The following ARSG variants were observed in gnomAD, a reference collection of about 807,000 sequenced individuals.
The protein encoded by ARSG is arylsulfatase G.
A neutral mutation model predicts 50.5 loss-of-function variants in ARSG; 37 were observed. That is an observed-to-expected ratio of 0.73 (90% CI 0.56 to 0.96). The LOEUF (loss-of-function observed/expected upper bound fraction) is 0.96, where lower values mean the gene tolerates loss of function less well. ARSG is among the 50% of genes least tolerant of loss of function. ARSG has a pLI of 0.00. For missense variants in ARSG, 629 were observed against 675.3 expected (o/e 0.93, Z 0.76); for synonymous variants, 225 against 254.6 (o/e 0.88, Z 1.11).
chr17:68,317,373 A>G (rs2077106491), intron 2 of ARSG, among the ~76,000 whole-genome samples: 1 of 151,970 alleles, frequency 6.6e-6, no homozygotes, highest in Non-Finnish European at 1.5e-5. Flanking sequence ...TACTGTTATA[A>G]TCAGCTCTCT....
chr17:68,280,517 G>C (rs1426350347), intron 1 of ARSG, among the ~76,000 whole-genome samples: 1 of 152,170 alleles, frequency 6.6e-6, no homozygotes, highest in Admixed American at 6.5e-5. Flanking sequence ...TTTGGCAAAG[G>C]TGCCAAAGAC....
chr17:68,361,555 A>C lies in ARSG; in HGVS notation c.704+4751A>C, dbSNP rs564249923. Among the ~76,000 whole-genome samples, 3 of 152,208 alleles carry C rather than the reference A, an allele frequency of 2.0e-5. No homozygotes were observed. The South Asian group carries it at 6.2e-4, about 32-fold the overall frequency. On this transcript the variant is annotated intron_variant, in intron 6 of 11. Transcript: ENST00000621439. ...ATAGTGAGACCACCCCCATCTCTAC[A>C]AAAAACACAACAAAACAAACAAACA...
chr17:68,390,652 T>C lies in ARSG; in HGVS notation c.1092-4421T>C, dbSNP rs529910195. The stretch of plus-strand genomic sequence containing the variant: ...GGAATTTTTTTTTTAAGATGGAATT[T>C]CCCTCTTGTCACTCAGGCTGGAGTG... On this transcript the variant is annotated intron_variant, in intron 9 of 11. Transcript: ENST00000621439. Among the ~76,000 whole-genome samples, 3 of 152,134 alleles carry C rather than the reference T, an allele frequency of 2.0e-5. No homozygotes were observed. The South Asian group carries it at 6.2e-4, about 32-fold the overall frequency.
chr17:68,259,226 G>C (rs561901943), exon 1 of ARSG: 1 of 152,358 alleles, frequency 6.6e-6, no homozygotes, highest in African/African-American at 2.4e-5. Flanking sequence ...AACCGCCGGC[G>C]CACCACCTGT....
intron 8 of ARSG, among the ~76,000 whole-genome samples, chr17:68,380,925 T>C (rs1322003019): frequency 6.6e-6 from 1 of 152,030 alleles, no homozygotes; most frequent in Non-Finnish European, 1.5e-5. Context: ...AAAGGCATCA[T>C]CCTAATTATT....
Position 68,351,784 on chromosome 17 carries a change from AGTTAAGACGGCAAAT to A in ARSG, c.566+99_566+113del, listed in dbSNP as rs1309803509. 8 of 793,002 alleles carry A rather than the reference AGTTAAGACGGCAAAT, an allele frequency of 1.0e-5. No homozygotes were observed. In the East Asian group the frequency reaches 2.0e-4, roughly 20 times the overall value. The allele number at this position is 793,002 out of a possible 1,614,324, so 49.1% of individuals were successfully genotyped here. A position where few individuals can be genotyped will look rare whatever the true frequency, so the allele number is the denominator to read the frequency against. ...TAAATTAAAGATGCAGACAGGAAACAGTTAAGACGGCAAATAAGATACACGGTACATTCTGTGCAA... is the reference window on the plus strand; with the variant it reads ...TAAATTAAAGATGCAGACAGGAAACAAAGATACACGGTACATTCTGTGCAA... On this transcript the variant is annotated intron_variant, in intron 5 of 11. Coordinates refer to ENST00000621439, the MANE Select transcript of ARSG (RefSeq NM_001267727.2).
At position 68,271,707 on chromosome 17, in the gene ARSG, A is replaced by C. The variant is rs7216446; in HGVS notation, c.-552+12281A>C. The C allele has an allele frequency of 6.1e-3, 8,533 of 1,409,934 alleles. 304 individuals are homozygous for C. In the African/African-American group the frequency reaches 0.09, roughly 15 times the overall value. The allele number at this position is 1,409,934 out of a possible 1,614,324, so 87.3% of individuals were successfully genotyped here. A position where few individuals can be genotyped will look rare whatever the true frequency, so the allele number is the denominator to read the frequency against. On this transcript the variant is annotated intron_variant, in intron 1 of 11. Transcript: ENST00000448504. This position sits in a 1 kb window ranked among gnomAD's most constrained non-coding sequence, Gnocchi z 5.3. Reference sequence around the variant, plus strand: ...TAATATAAGGTCAATAATGGACTCAAGACCCAGGAGAAGCCATCAAGAAGA... The same window carrying C: ...TAATATAAGGTCAATAATGGACTCACGACCCAGGAGAAGCCATCAAGAAGA...
At chr17:68,347,255 C>T in intron 4 of ARSG, 83 bp downstream of exon 4, 1 of 1,494,664 alleles carries the variant, frequency 6.7e-7, no homozygotes, top group African/African-American at 1.4e-5. Context: ...GCTAAGCCAT[C>T]CTGTCTCTGG....
chr17:68,363,749 G>C (rs2079409613), intron 6 of ARSG, among the ~76,000 whole-genome samples: 1 of 152,184 alleles, frequency 6.6e-6, no homozygotes, highest in African/African-American at 2.4e-5. Flanking sequence ...TTACAGGCGT[G>C]AGCCATCGTG....
chr17:68,304,583 C>A (rs1329373219), intron 1 of ARSG, among the ~76,000 whole-genome samples: 1 of 152,198 alleles, frequency 6.6e-6, no homozygotes, highest in Non-Finnish European at 1.5e-5. Context: ...GGATGTACAA[C>A]TGGAAAAAGT....
chr17:68,352,102 AGAGAGAGAGAGACAGAG>A (rs2078801654), intron 5 of ARSG, among the ~76,000 whole-genome samples: 1 of 130,166 alleles, frequency 7.7e-6, no homozygotes, highest in Non-Finnish European at 1.7e-5. Context: ...AGAGAGAGAG[AGAGAGAGAGAGACAGAG>A]GAGAGAGAGA....
the ARSG span, chr17:68,444,558 TA>T: frequency 6.2e-7 from 1 of 1,614,112 alleles, no homozygotes; most frequent in Non-Finnish European, 8.5e-7. Flanking sequence ...GTTGTGAATA[TA>T]AATGGACTCT....
At chr17:68,393,633 G>A (rs1378851755) in intron 9 of ARSG, among the ~76,000 whole-genome samples, 1 of 152,116 alleles carries the variant, frequency 6.6e-6, no homozygotes, top group African/African-American at 2.4e-5. Flanking sequence ...TTGGGAGGCC[G>A]AGGCAGGTGG....
At chr17:68,450,487 G>C in the ARSG span, among the ~76,000 whole-genome samples, 1 of 152,218 alleles carries the variant, frequency 6.6e-6, no homozygotes, top group Non-Finnish European at 1.5e-5. Context: ...AGAGGGTGCA[G>C]CCTACCAGTC....
intron 2 of ARSG, among the ~76,000 whole-genome samples, chr17:68,330,515 T>C (rs1315442715): frequency 6.6e-6 from 1 of 152,128 alleles, no homozygotes; most frequent in African/African-American, 2.4e-5. Flanking sequence ...TAGGACATGC[T>C]AATAATTTAG....
At chr17:68,352,041 G>T (rs2078788599) in intron 5 of ARSG, among the ~76,000 whole-genome samples, 2 of 151,538 alleles carry the variant, frequency 1.3e-5, no homozygotes, top group Admixed American at 1.3e-4. Context: ...GAGGGAGGGA[G>T]AGAGCAGAGG....
In ARSG at chr17:68,409,262, G is replaced by A. The variant is rs1488263050; in HGVS notation, c.1303+7812G>A. 8.0e-3 allele frequency among the ~76,000 whole-genome samples: 1,097 copies of A among 136,546 alleles called. 1 individual carries two copies. The highest frequency in any genetic ancestry group is 0.03 in the African/African-American group (1,036 of 34,854). 89.6% of individuals were successfully genotyped at this position (136,546 alleles called of 152,430 possible). On this transcript the variant is annotated intron_variant, in intron 11 of 11. Coordinates refer to ENST00000621439, the MANE Select transcript of ARSG (RefSeq NM_001267727.2). ...GGGTTTTTATGGTTTTAGGTCTAAC[G>A]TTTAAGTCTTTAATCCATCTTGAAT...
At position 68,370,487 on chromosome 17, in the gene ARSG, T is replaced by C. The variant is rs2079780984; in HGVS notation, c.945T>C (p.Ser315=). 1.2e-6 allele frequency: 2 copies of C among 1,613,824 alleles called. No individual in the cohort carries two copies. Among genetic ancestry groups the C allele is most frequent in the Admixed American group, 3.3e-5 (2 of 59,960 alleles). ...CTCAGAAGTGTGAGCTAGCGGGCAGTGTGGGTCCCTTCACTGGATTTTGGC... is the reference window on the plus strand; with the variant it reads ...CTCAGAAGTGTGAGCTAGCGGGCAGCGTGGGTCCCTTCACTGGATTTTGGC... ...PWAQKCELAG[S]VGPFTGFWQT... is the part of the protein sequence containing the mutation. The change falls in exon 8 of 12, where the codon AGT becomes AGC. Residue 315 remains serine (S), a synonymous_variant. Transcript: ENST00000621439.
the ARSG span, among the ~76,000 whole-genome samples, chr17:68,429,646 T>C: frequency 6.6e-6 from 1 of 152,098 alleles, no homozygotes; most frequent in Admixed American, 6.6e-5. Flanking sequence ...TGGAGTGCAG[T>C]GGCATGATCT....
Sources: allele counts gnomAD v4.1 joint callset (sites outside exome capture counted in the v4.1 genomes callset), GRCh38; gene constraint gnomAD v4.1.1; non-coding constraint Gnocchi (gnomAD v3.1); transcripts MANE v1.5; gene names NCBI Gene and HGNC (gene_info 2026-07-23, HGNC 2026-07-21).